ZBTB20: variants seen among roughly 807,000 people sequenced by gnomAD.
ZBTB20 encodes the protein zinc finger and BTB domain containing 20, also known as zinc finger and BTB domain-containing protein 20.
A neutral mutation model predicts 56.9 loss-of-function variants in ZBTB20; 9 were observed. That is an observed-to-expected ratio of 0.16 (90% confidence interval 0.10 to 0.28). The LOEUF (loss-of-function observed/expected upper bound fraction) is 0.28. Among genes scored for constraint, ZBTB20 ranks in the 10% least tolerant of loss-of-function variants. The pLI is 1.00. For missense variants in ZBTB20, 655 were observed against 1,003.0 expected (o/e 0.65, Z 4.69); for synonymous variants, 417 against 420.7 (o/e 0.99, Z 0.11).
At chr3:114,374,043 A>T (rs1273663666) in intron 10 of ZBTB20, among the ~76,000 whole-genome samples, 1 of 152,204 alleles carries the variant, frequency 6.6e-6, no homozygotes. Flanking sequence ...AAAAAAAACG[A>T]ACTGGCCTTC....
intron 6 of ZBTB20, among the ~76,000 whole-genome samples, chr3:114,655,960 C>G (rs573471240): frequency 1.1e-4 from 16 of 152,198 alleles, no homozygotes; most frequent in Non-Finnish European, 1.6e-4. Flanking sequence ...TATCTTGGTT[C>G]ATAGTGTCAT....
chr3:114,886,578 A>G (rs1469703959), intron 4 of ZBTB20, among the ~76,000 whole-genome samples: 1 of 152,242 alleles, frequency 6.6e-6, no homozygotes, highest in Non-Finnish European at 1.5e-5. Flanking sequence ...CTATAAGAGT[A>G]TATTTGGCAT....
intron 7 of ZBTB20, among the ~76,000 whole-genome samples, chr3:114,394,224 C>T (rs1185567756): frequency 1.3e-5 from 2 of 152,138 alleles, no homozygotes; most frequent in Non-Finnish European, 1.5e-5. Context: ...ACCCATTTTA[C>T]AGATAAGGAA....
intron 3 of ZBTB20, among the ~76,000 whole-genome samples, chr3:114,909,050 C>T (rs2075425274): frequency 6.6e-6 from 1 of 151,264 alleles, no homozygotes; most frequent in Non-Finnish European, 1.5e-5. Context: ...CTGATAAAAC[C>T]TCAGAAAACT....
chr3:114,525,021 T>C (rs2047059405), intron 6 of ZBTB20, among the ~76,000 whole-genome samples: 2 of 152,138 alleles, frequency 1.3e-5, no homozygotes, highest in East Asian at 1.9e-4. Flanking sequence ...GCCTCCAATT[T>C]TGAATACTCT....
intron 2 of ZBTB20, among the ~76,000 whole-genome samples, chr3:114,990,680 G>T (rs1206071919): frequency 2.0e-5 from 3 of 152,124 alleles, no homozygotes; most frequent in Non-Finnish European, 4.4e-5. Flanking sequence ...AGGAGGAATG[G>T]TACCAGCTCC....
At chr3:114,710,470 T>C (rs2063997101) in intron 5 of ZBTB20, among the ~76,000 whole-genome samples, 1 of 152,210 alleles carries the variant, frequency 6.6e-6, no homozygotes, top group African/African-American at 2.4e-5. Context: ...TAACTCATAA[T>C]CATCTCTTTC....
intron 4 of ZBTB20, among the ~76,000 whole-genome samples, chr3:114,871,692 C>G (rs993996182): frequency 3.9e-5 from 6 of 152,068 alleles, no homozygotes; most frequent in African/African-American, 1.4e-4. Flanking sequence ...GGGCTGCAAC[C>G]CAGATCCAGA....
At chr3:114,636,950 AG>A (rs2059312320) in intron 6 of ZBTB20, among the ~76,000 whole-genome samples, 1 of 150,838 alleles carries the variant, frequency 6.6e-6, no homozygotes, top group South Asian at 2.1e-4. Flanking sequence ...AACACACTTT[AG>A]CTTTAGGGAC....
chr3:115,059,493 G>A (rs2081939241), intron 2 of ZBTB20, among the ~76,000 whole-genome samples: 2 of 152,094 alleles, frequency 1.3e-5, no homozygotes, highest in Non-Finnish European at 2.9e-5. Context: ...TCCAATCCGC[G>A]AAAGCTCCAG....
At chr3:114,971,944 T>G (rs2077900625) in intron 3 of ZBTB20, among the ~76,000 whole-genome samples, 1 of 152,168 alleles carries the variant, frequency 6.6e-6, no homozygotes, top group African/African-American at 2.4e-5. Flanking sequence ...CAATAAAACC[T>G]AGAGCCAGCT....
intron 5 of ZBTB20, among the ~76,000 whole-genome samples, chr3:114,733,594 A>G (rs1282523015): frequency 1.3e-5 from 2 of 152,048 alleles, no homozygotes; most frequent in Non-Finnish European, 1.5e-5. Flanking sequence ...ACACTTTTCT[A>G]CCTCTTTTCT....
chr3:114,990,945 G>A (rs2078778892), intron 2 of ZBTB20, among the ~76,000 whole-genome samples: 1 of 152,018 alleles, frequency 6.6e-6, no homozygotes, highest in East Asian at 1.9e-4. Flanking sequence ...TGGAATCGAT[G>A]GTGATATCCC....
chr3:114,773,841 T>A (rs2069395323), intron 5 of ZBTB20, among the ~76,000 whole-genome samples: 2 of 152,242 alleles, frequency 1.3e-5, no homozygotes, highest in Non-Finnish European at 2.9e-5. Context: ...TAATCATACC[T>A]TTAAAGGAAA....
At chr3:114,642,213 G>A (rs2107924120) in intron 6 of ZBTB20, among the ~76,000 whole-genome samples, 1 of 152,094 alleles carries the variant, frequency 6.6e-6, no homozygotes, top group East Asian at 1.9e-4. Flanking sequence ...ATATCTCAGG[G>A]CTGAAAAAGA....
At chr3:114,564,466 A>T (rs1472244342) in intron 6 of ZBTB20, among the ~76,000 whole-genome samples, 1 of 152,142 alleles carries the variant, frequency 6.6e-6, no homozygotes, top group Non-Finnish European at 1.5e-5. Flanking sequence ...TAGCATGGTA[A>T]GCTGCACAGA....
chr3:114,393,191 C>A (rs563543024), intron 7 of ZBTB20, among the ~76,000 whole-genome samples: 5 of 151,968 alleles, frequency 3.3e-5, no homozygotes, highest in Non-Finnish European at 7.4e-5. Flanking sequence ...TCTTTCTAAC[C>A]CATCATAAGG....
chr3:114,456,706 C>G (rs1003331459), intron 7 of ZBTB20, among the ~76,000 whole-genome samples: 11 of 152,162 alleles, frequency 7.2e-5, no homozygotes, highest in African/African-American at 2.4e-4. Flanking sequence ...TCCCTTTTGA[C>G]AATGGGTAAT....
At chr3:114,343,466 T>C (rs904742866) in intron 11 of ZBTB20, among the ~76,000 whole-genome samples, 5 of 152,156 alleles carry the variant, frequency 3.3e-5, no homozygotes, top group Non-Finnish European at 5.9e-5. Flanking sequence ...TGCCCTCCTC[T>C]TTCGTGAGTA....
Sources: gnomAD v4.1 joint callset for allele counts (sites outside exome capture counted in the v4.1 genomes callset) on GRCh38, gnomAD v4.1.1 for gene constraint, MANE v1.5 for transcripts, NCBI Gene and HGNC (gene_info 2026-07-23, HGNC 2026-07-21) for gene names.